Variants in UGT2A1 observed in about 807,000 individuals in gnomAD.
UGT2A1 encodes UDP glucuronosyltransferase family 2 member A1 complex locus.
Under a neutral mutation model 45.4 loss-of-function variants are expected in UGT2A1, and 61 were observed. The ratio of observed to expected loss-of-function variants is 1.34; its 90% CI spans 1.09 to 1.66. UGT2A1 has a LOEUF of 1.66. Among genes scored for constraint, UGT2A1 ranks in the 40% most tolerant of loss-of-function variants. UGT2A1 has a pLI of 0.00. For synonymous variants in UGT2A1, 229 were observed against 196.2 expected (o/e 1.17, Z -1.40); for missense variants, 649 against 574.3 (o/e 1.13, Z -1.33).
At chr4:69,605,028 C>T (rs1719523332) in intron 3 of UGT2A1, among the ~76,000 whole-genome samples, 1 of 136,214 alleles carries the variant, frequency 7.3e-6, no homozygotes, top group African/African-American at 3.0e-5. Flanking sequence ...AGAAAGATAA[C>T]AAGTATATCC....
intron 3 of UGT2A1, among the ~76,000 whole-genome samples, chr4:69,618,416 G>A (rs952798240): frequency 6.6e-6 from 1 of 151,894 alleles, no homozygotes; most frequent in African/African-American, 2.4e-5. Context: ...CAAGAGAAGA[G>A]ATTTAAAAAG....
chr4:69,652,654 A>C (rs1253988557), intron 1 of UGT2A1, among the ~76,000 whole-genome samples: 1 of 152,120 alleles, frequency 6.6e-6, no homozygotes, highest in East Asian at 1.9e-4. Context: ...CTTATATTTA[A>C]AGTAAATAGA....
intron 1 of UGT2A1, among the ~76,000 whole-genome samples, chr4:69,650,531 T>C (rs1179315465): frequency 4.0e-5 from 6 of 151,876 alleles, no homozygotes; most frequent in Non-Finnish European, 7.4e-5. Context: ...CAACTTGAGT[T>C]TGAGAATATA....
At chr4:69,619,471 G>A (rs974627979) in intron 3 of UGT2A1, among the ~76,000 whole-genome samples, 5 of 151,062 alleles carry the variant, frequency 3.3e-5, no homozygotes, top group African/African-American at 7.3e-5. Flanking sequence ...AAAGTAAATT[G>A]CAGTCTTACA....
chr4:69,623,413 A>G (rs1720866666), intron 3 of UGT2A1, among the ~76,000 whole-genome samples: 2 of 151,792 alleles, frequency 1.3e-5, no homozygotes, highest in Non-Finnish European at 2.9e-5. Flanking sequence ...GGCAGTGGAT[A>G]AAATGGGATA....
intron 1 of UGT2A1, among the ~76,000 whole-genome samples, chr4:69,652,096 G>T (rs1245818002): frequency 6.6e-6 from 1 of 152,026 alleles, no homozygotes; most frequent in African/African-American, 2.4e-5. Context: ...ATGCCCCCCA[G>T]TCAAATTCTT....
At chr4:69,624,017 A>G (rs2109941456) in intron 3 of UGT2A1, among the ~76,000 whole-genome samples, 1 of 151,768 alleles carries the variant, frequency 6.6e-6, no homozygotes, top group African/African-American at 2.4e-5. Flanking sequence ...CATGAAAAAT[A>G]TGAACTCTGT....
At chr4:69,608,467 GT>G (rs1338249409) in intron 3 of UGT2A1, among the ~76,000 whole-genome samples, 2 of 151,880 alleles carry the variant, frequency 1.3e-5, no homozygotes, top group African/African-American at 4.8e-5. Flanking sequence ...TATACCTAAT[GT>G]TAAATGATGA....
At chr4:69,629,126 A>C (rs1721249307) in intron 3 of UGT2A1, among the ~76,000 whole-genome samples, 1 of 151,792 alleles carries the variant, frequency 6.6e-6, no homozygotes, top group Non-Finnish European at 1.5e-5. Flanking sequence ...AACCACCTTC[A>C]CTTGAATTTT....
chr4:69,648,237 TA>T (rs1197782820), intron 1 of UGT2A1, among the ~76,000 whole-genome samples: 1 of 149,630 alleles, frequency 6.7e-6, no homozygotes, highest in East Asian at 1.9e-4. Flanking sequence ...TACTTATAAA[TA>T]ATATGTATAA....
At chr4:69,604,680 C>A (rs1261707152) in intron 3 of UGT2A1, among the ~76,000 whole-genome samples, 1 of 136,636 alleles carries the variant, frequency 7.3e-6, no homozygotes, top group Admixed American at 7.2e-5. Context: ...AAACCCATCT[C>A]ACGTGAAGAG....
At chr4:69,589,690 T>A in intron 6 of UGT2A1, 39 bp from the exon 7 acceptor site, 1 of 1,563,054 alleles carries the variant, frequency 6.4e-7, no homozygotes, top group East Asian at 2.3e-5. Context: ...AGACAATTTT[T>A]GTTTTTATTT....
chr4:69,651,271 C>A (rs958320962), intron 1 of UGT2A1, among the ~76,000 whole-genome samples: 1 of 152,136 alleles, frequency 6.6e-6, no homozygotes, highest in African/African-American at 2.4e-5. Context: ...TTTGTAATTA[C>A]TCTGATCTTA....
intron 3 of UGT2A1, chr4:69,603,716 C>T (rs1719434961): frequency 7.4e-6 from 1 of 135,666 alleles, no homozygotes; most frequent in Admixed American, 7.3e-5. Flanking sequence ...GAAGAAAAGC[C>T]CTTAAAGGAC....
chr4:69,635,527 G>A (rs1405189876), intron 3 of UGT2A1, among the ~76,000 whole-genome samples, 164 bp downstream of exon 3: 1 of 152,140 alleles, frequency 6.6e-6, no homozygotes, highest in East Asian at 1.9e-4. Flanking sequence ...CTTAGAAGTT[G>A]AGGAAGAAAT....
intron 3 of UGT2A1, among the ~76,000 whole-genome samples, chr4:69,612,289 A>G (rs1299050051): frequency 2.0e-5 from 3 of 152,136 alleles, no homozygotes; most frequent in Admixed American, 1.3e-4. Flanking sequence ...ATAGCTCATG[A>G]GTTGGAAAAA....
chr4:69,605,975 G>T (rs1213658999), intron 3 of UGT2A1, among the ~76,000 whole-genome samples: 1 of 136,696 alleles, frequency 7.3e-6, no homozygotes, highest in Admixed American at 7.2e-5. Flanking sequence ...TGGATTCACA[G>T]CTGAATTCTA....
intron 3 of UGT2A1, among the ~76,000 whole-genome samples, chr4:69,628,899 T>C (rs774782585): frequency 6.6e-6 from 1 of 151,778 alleles, no homozygotes; most frequent in Non-Finnish European, 1.5e-5. Flanking sequence ...AGTTATAGTC[T>C]ACACTGAGAG....
intron 6 of UGT2A1, among the ~76,000 whole-genome samples, chr4:69,590,167 G>A (rs957782348): frequency 5.3e-5 from 8 of 152,120 alleles, no homozygotes; most frequent in Non-Finnish European, 1.0e-4. Context: ...TGTTTGTGAC[G>A]AAAAGGACAG....
Sources: gnomAD v4.1 joint callset for allele counts (sites outside exome capture counted in the v4.1 genomes callset) on GRCh38, gnomAD v4.1.1 for gene constraint, MANE v1.5 for transcripts, NCBI Gene and HGNC (gene_info 2026-07-23, HGNC 2026-07-21) for gene names.